The following UGGT2 variants were observed in gnomAD, a reference collection of about 807,000 sequenced individuals.
The protein encoded by UGGT2 is UDP-glucose glycoprotein glucosyltransferase 2, also known as UDP-glucose:glycoprotein glucosyltransferase 2.
In UGGT2, 180 loss-of-function variants were observed where a neutral mutation model predicts 192.1. That is an observed-to-expected ratio of 0.94 (90% CI 0.83 to 1.06). The LOEUF (loss-of-function observed/expected upper bound fraction) is 1.06. Among genes scored for constraint, UGGT2 ranks in the 50% least tolerant of loss-of-function variants. The probability of loss-of-function intolerance (pLI) is 0.00; values close to 1 mark genes in which losing one functional copy is unlikely to be tolerated. For synonymous variants in UGGT2, 580 were observed against 591.0 expected (o/e 0.98, Z 0.27); for missense variants, 1,849 against 1,795.7 (o/e 1.03, Z -0.54).
Position 95,912,744 on chromosome 13 carries a change from G to C in UGGT2, c.2296-9684C>G, listed in dbSNP as rs953691551. ...CAGAATTGGAAAAAACTACTTTAAA[G>C]TTCATATGGAACCAAAAAACAGCCT... On this transcript the variant is annotated intron_variant, in intron 20 of 38. Transcript: ENST00000376747. Among the ~76,000 whole-genome samples, 7 of 152,058 alleles carry C rather than the reference G, an allele frequency of 4.6e-5. 1 individual carries two copies. The highest frequency in any genetic ancestry group is 4.1e-4 in the South Asian group (2 of 4,822).
intron 1 of UGGT2, among the ~76,000 whole-genome samples, chr13:96,032,947 A>C (rs2052882472): frequency 6.6e-6 from 1 of 152,224 alleles, no homozygotes; most frequent in African/African-American, 2.4e-5. Context: ...GGCTTAACTG[A>C]TTTGACCAAA....
intron 38 of UGGT2, among the ~76,000 whole-genome samples, chr13:95,813,407 T>C (rs1884671066): frequency 6.6e-6 from 1 of 152,220 alleles, no homozygotes; most frequent in African/African-American, 2.4e-5. Flanking sequence ...CCTAGGGATC[T>C]GTGGAAGTTT....
In UGGT2 at chr13:95,903,121, A is replaced by G. The variant is rs1314088501; in HGVS notation, c.2296-61T>C. 9 of 1,499,410 alleles carry G rather than the reference A, an allele frequency of 6.0e-6. No individual in the cohort carries two copies. In the East Asian group the frequency reaches 1.6e-4, roughly 27 times the overall value. The allele number at this position is 1,499,410 out of a possible 1,614,324, so 92.9% of individuals were successfully genotyped here. A position where few individuals can be genotyped will look rare whatever the true frequency, so the allele number is the denominator to read the frequency against. ...CATACATATCATTTTACAGGTGAATATATTTTCTTTCCCATCCAGTTTGTT... is the reference window on the plus strand; with the variant it reads ...CATACATATCATTTTACAGGTGAATGTATTTTCTTTCCCATCCAGTTTGTT... On this transcript the variant is annotated intron_variant, in intron 20 of 38. Transcript: ENST00000376747.
intron 6 of UGGT2, among the ~76,000 whole-genome samples, chr13:95,997,109 G>T (rs2051647711): frequency 6.6e-6 from 1 of 151,916 alleles, no homozygotes; most frequent in South Asian, 2.1e-4. Context: ...AGCAACCCTG[G>T]GTACTTTGAT....
At chr13:95,950,148 G>C (rs940636207) in intron 12 of UGGT2, among the ~76,000 whole-genome samples, 8 of 152,018 alleles carry the variant, frequency 5.3e-5, no homozygotes, top group African/African-American at 1.9e-4. Context: ...AGGGTGAGAG[G>C]GTAGGAGAGA....
intron 4 of UGGT2, among the ~76,000 whole-genome samples, 194 bp from the exon 5 acceptor site, chr13:96,013,675 A>G (rs1475076160): frequency 1.3e-5 from 2 of 152,152 alleles, no homozygotes; most frequent in African/African-American, 4.8e-5. Context: ...TGGTTAACCC[A>G]AATCTAATAT....
chr13:95,864,043 C>G (rs890309822), intron 30 of UGGT2, among the ~76,000 whole-genome samples: 3 of 152,148 alleles, frequency 2.0e-5, no homozygotes, highest in Admixed American at 1.3e-4. Context: ...TTTGTGATGA[C>G]AGATGAATAG....
chr13:95,882,877 G>T (rs1179236650), intron 27 of UGGT2, among the ~76,000 whole-genome samples: 1 of 152,148 alleles, frequency 6.6e-6, no homozygotes, highest in African/African-American at 2.4e-5. Context: ...ATGTTTAAAA[G>T]TTACCTTATT....
chr13:95,858,621 C>T (rs1410492282), intron 33 of UGGT2, among the ~76,000 whole-genome samples: 3 of 152,136 alleles, frequency 2.0e-5, no homozygotes, highest in African/African-American at 7.2e-5. Context: ...CTCCCCGGAC[C>T]CTACCCTAAG....
intron 27 of UGGT2, among the ~76,000 whole-genome samples, chr13:95,880,766 A>T (rs1412980568): frequency 1.3e-5 from 2 of 152,242 alleles, no homozygotes; most frequent in Non-Finnish European, 1.5e-5. Flanking sequence ...CAAGAGTAGA[A>T]GATGATGACC....
intron 20 of UGGT2, among the ~76,000 whole-genome samples, chr13:95,912,922 G>C (rs2048551285): frequency 6.6e-6 from 1 of 152,162 alleles, no homozygotes; most frequent in South Asian, 2.1e-4. Flanking sequence ...AGAGCCCTCA[G>C]AAATAATACC....
chr13:95,826,706 T>C (rs1886081887), intron 38 of UGGT2, among the ~76,000 whole-genome samples: 4 of 152,070 alleles, frequency 2.6e-5, no homozygotes, highest in Admixed American at 2.6e-4. Context: ...CTTGAATATA[T>C]AGAAAGACAA....
chr13:95,911,316 A>T (rs2048489101), intron 20 of UGGT2, among the ~76,000 whole-genome samples: 1 of 152,094 alleles, frequency 6.6e-6, no homozygotes, highest in Non-Finnish European at 1.5e-5. Flanking sequence ...TTTTGAAAAG[A>T]ACAAAATTGA....
intron 8 of UGGT2, among the ~76,000 whole-genome samples, chr13:95,989,036 C>T (rs538487007): frequency 5.1e-4 from 78 of 152,116 alleles, no homozygotes; most frequent in Middle Eastern, 3.4e-3. Flanking sequence ...TGGTTGCCTA[C>T]AACTGGGGAG....
At chr13:95,913,346 A>C (rs1306247283) in intron 20 of UGGT2, among the ~76,000 whole-genome samples, 3 of 152,218 alleles carry the variant, frequency 2.0e-5, no homozygotes, top group Admixed American at 2.0e-4. Context: ...CCATCTGACA[A>C]AGGGCTAATA....
intron 12 of UGGT2, among the ~76,000 whole-genome samples, chr13:95,955,321 A>C (rs963562927): frequency 6.6e-6 from 1 of 152,198 alleles, no homozygotes; most frequent in African/African-American, 2.4e-5. Context: ...GCACCTGGTA[A>C]ATAGGTAGAT....
At chr13:95,952,256 G>A (rs1478682829) in intron 12 of UGGT2, among the ~76,000 whole-genome samples, 4 of 152,008 alleles carry the variant, frequency 2.6e-5, no homozygotes, top group Admixed American at 2.6e-4. Flanking sequence ...GACGGCCCCA[G>A]GCTTTGCTAG....
At chr13:96,026,659 C>CTTTTTTTT (rs71211702) in intron 2 of UGGT2, among the ~76,000 whole-genome samples, 3 of 101,544 alleles carry the variant, frequency 3.0e-5, no homozygotes, top group Non-Finnish European at 3.9e-5. Flanking sequence ...TTTCACTCTT[C>CTTTTTTTT]TTTTTTTTTT....
At position 95,991,812 on chromosome 13, in the gene UGGT2, T is replaced by G. The variant is rs900454217; in HGVS notation, c.831-1739A>C. 3.3e-5 allele frequency among the ~76,000 whole-genome samples: 5 copies of G among 152,182 alleles called. No individual in the cohort carries two copies. The East Asian group carries it at 9.6e-4, about 29-fold the overall frequency. On this transcript the variant is annotated intron_variant, in intron 7 of 38. Transcript: ENST00000376747. Reference sequence around the variant, plus strand: ...TATATAATTTAGGCAACATATATATTATTCATAAAGTACCTCAAAGGATTT... The same window carrying G: ...TATATAATTTAGGCAACATATATATGATTCATAAAGTACCTCAAAGGATTT...
Sources: allele counts gnomAD v4.1 joint callset (sites outside exome capture counted in the v4.1 genomes callset), GRCh38; gene constraint gnomAD v4.1.1; transcripts MANE v1.5; gene names NCBI Gene and HGNC (gene_info 2026-07-23, HGNC 2026-07-21).